The following POLQ variants were observed in gnomAD, a reference collection of about 807,000 sequenced individuals.
POLQ encodes the protein DNA polymerase theta.
A neutral mutation model predicts 259.2 loss-of-function variants in POLQ; 233 were observed. The ratio of observed to expected loss-of-function variants is 0.90; its 90% CI spans 0.81 to 1.00. The LOEUF (loss-of-function observed/expected upper bound fraction) is 1.00. POLQ is among the 50% of genes least tolerant of loss of function. The probability of loss-of-function intolerance (pLI) is 0.00; values close to 1 mark genes in which losing one functional copy is unlikely to be tolerated. For missense variants in POLQ, 2,871 were observed against 3,051.6 expected (o/e 0.94, Z 1.39); for synonymous variants, 1,025 against 1,048.8 (o/e 0.98, Z 0.44).
intron 28 of POLQ, among the ~76,000 whole-genome samples, chr3:121,435,247 A>G (rs2047533232): frequency 6.6e-6 from 1 of 152,248 alleles, no homozygotes; most frequent in South Asian, 2.1e-4. Flanking sequence ...GGAATGTGAC[A>G]GAAGAAAAAA....
intron 26 of POLQ, among the ~76,000 whole-genome samples, chr3:121,440,585 C>T: frequency 6.6e-6 from 1 of 152,182 alleles, no homozygotes; most frequent in Non-Finnish European, 1.5e-5. Context: ...ATCTGCCCAC[C>T]TCCGCCTCCC....
chr3:121,473,265 T>C, intron 21 of POLQ, 85 bp downstream of exon 21: 1 of 1,189,168 alleles, frequency 8.4e-7, no homozygotes, highest in Non-Finnish European at 1.2e-6. Context: ...GCTAAGATGT[T>C]GATTTCATCA....
Position 121,541,451 on chromosome 3 carries a change from C to T in POLQ, c.372G>A (p.Val124=), listed in dbSNP as rs755139937. 2.5e-6 allele frequency: 4 copies of T among 1,610,306 alleles called. No individual in the cohort carries two copies. The highest frequency in any genetic ancestry group is 3.4e-6 in the Non-Finnish European group (4 of 1,178,274). ...CCCGCTTCAAAATAAGTAATTCTGC[C>T]ACAAGAGTCTTCCCAGCACTTGTAG... ...SAPTSAGKTL[V]AELLILKRVL... Residue 124 remains valine (V), a synonymous_variant, in exon 3 of 30, where the codon GTG becomes GTA. Transcript: ENST00000264233.
intron 24 of POLQ, among the ~76,000 whole-genome samples, chr3:121,460,997 G>C (rs994516658): frequency 6.6e-6 from 1 of 152,108 alleles, no homozygotes; most frequent in Non-Finnish European, 1.5e-5. Flanking sequence ...CTATAAATAA[G>C]AAGTTCAGAC....
intron 25 of POLQ, among the ~76,000 whole-genome samples, chr3:121,450,833 G>C (rs572775753): frequency 5.9e-5 from 9 of 152,180 alleles, no homozygotes; most frequent in African/African-American, 1.9e-4. Flanking sequence ...TGAATGTTGG[G>C]CTGCCTTGCT....
Position 121,533,005 on chromosome 3 carries a change from G to A in POLQ, c.945C>T (p.Pro315=), listed in dbSNP as rs1429292191. ...SSMKLVREFE[P]MLQVKGDEDH... The stretch of plus-strand genomic sequence containing the variant: ...ATTGATTTACCTTCACTTGTAGCAT[G>A]GGCTCAAATTCCCTCACAAGTTTCA... The change falls in exon 6 of 30, where the codon CCC becomes CCT. Residue 315 remains proline (P), a synonymous_variant. Coordinates refer to ENST00000264233, the MANE Select transcript of POLQ (RefSeq NM_199420.4). 4 of 1,604,524 alleles carry A rather than the reference G, an allele frequency of 2.5e-6. No homozygotes were observed. Among genetic ancestry groups the A allele is most frequent in the Non-Finnish European group, 3.4e-6 (4 of 1,172,740 alleles).
Position 121,468,199 on chromosome 3 carries a change from T to G in POLQ, c.6845+106A>C, listed in dbSNP as rs920346059. The G allele has an allele frequency of 8.1e-6, 8 of 992,564 alleles. No individual in the cohort carries two copies. The East Asian group carries it at 2.0e-4, about 25-fold the overall frequency. The allele number at this position is 992,564 out of a possible 1,614,324, so 61.5% of individuals were successfully genotyped here. A position where few individuals can be genotyped will look rare whatever the true frequency, so the allele number is the denominator to read the frequency against. ...GGTCTAGGACAGAAATGGGTATGTC[T>G]GAAACATAAAATTAAATTAATTTCA... is the stretch of plus-strand genomic sequence containing the variant. On this transcript the variant is annotated intron_variant, in intron 23 of 29. Transcript: ENST00000264233.
At chr3:121,496,974 G>T (rs200714201) in intron 13 of POLQ, 42 bp from the exon 14 acceptor site, 156 of 1,605,732 alleles carry the variant, frequency 9.7e-5, no homozygotes, top group Non-Finnish European at 1.3e-4. Context: ...GATCCTTCAC[G>T]TCTACTAGGC....
intron 9 of POLQ, among the ~76,000 whole-genome samples, chr3:121,514,904 G>A (rs1393614064): frequency 6.6e-6 from 1 of 152,174 alleles, no homozygotes; most frequent in East Asian, 1.9e-4. Flanking sequence ...AGCTCATGAG[G>A]ACCCTGCCCA....
Position 121,449,380 on chromosome 3 carries a change from T to C in POLQ, c.7199A>G (p.Glu2400Gly), listed in dbSNP as rs1232696903. ...ATCATTTTCTTTAATGCCCATCTGC[T>C]CTCCCAAAGATTTAGCTCCCATTCC... ...IYGMGAKSLG[E>G]QMGIKENDAA... Residue 2400 changes from glutamate (E) to glycine (G), a missense_variant, in exon 26 of 30, where the codon GAG (glutamate) becomes GGG (glycine). Coordinates refer to ENST00000264233, the MANE Select transcript of POLQ (RefSeq NM_199420.4). 1 of 1,608,210 alleles carries C rather than the reference T, an allele frequency of 6.2e-7. No homozygotes were observed. Among genetic ancestry groups the C allele is most frequent in the South Asian group, 1.1e-5 (1 of 90,964 alleles).
intron 15 of POLQ, among the ~76,000 whole-genome samples, chr3:121,490,948 G>T (rs2048063667): frequency 6.6e-6 from 1 of 152,084 alleles, no homozygotes; most frequent in Non-Finnish European, 1.5e-5. Flanking sequence ...ACAGCTGCTT[G>T]GGAGGCTGAG....
At chr3:121,516,116 T>C (rs1426303014) in intron 9 of POLQ, among the ~76,000 whole-genome samples, 1 of 151,850 alleles carries the variant, frequency 6.6e-6, no homozygotes, top group Non-Finnish European at 1.5e-5. Context: ...GAGAAGATGG[T>C]CAAAGAGTAC....
rs1012808781 is a variant in POLQ, at chr3:121,527,069, A to AT, written c.1108+2575dup. ...TAGGCACACATCACCACACCTGGAT[A>AT]TTTTTTTTTGAGATGGAGTCTCGCT... On this transcript the variant is annotated intron_variant, in intron 7 of 29. Coordinates refer to ENST00000264233, the MANE Select transcript of POLQ (RefSeq NM_199420.4). 5.3e-5 allele frequency among the ~76,000 whole-genome samples: 8 copies of AT among 149,950 alleles called. No individual in the cohort carries two copies. In the South Asian group the frequency reaches 1.1e-3, roughly 20 times the overall value.
At chr3:121,522,502 G>A (rs1211366281) in intron 7 of POLQ, among the ~76,000 whole-genome samples, 1 of 149,918 alleles carries the variant, frequency 6.7e-6, no homozygotes, top group East Asian at 2.0e-4. Context: ...TAGTAGAGAC[G>A]GGGTTTCACC....
intron 24 of POLQ, among the ~76,000 whole-genome samples, chr3:121,463,465 A>G (rs145501649): frequency 4.7e-4 from 72 of 152,328 alleles, no homozygotes; most frequent in African/African-American, 1.6e-3. Flanking sequence ...CCAAACAATT[A>G]CCTATAGATT....
rs199734736 is a variant in POLQ at position 121,541,334 on chromosome 3, A to C, written c.474+15T>G. 47 of 1,567,230 alleles carry C rather than the reference A, an allele frequency of 3.0e-5. No homozygotes were observed. Among genetic ancestry groups the C allele is most frequent in the African/African-American group, 8.3e-5 (6 of 72,714 alleles). On this transcript the variant is annotated intron_variant, in intron 3 of 29. Coordinates refer to ENST00000264233, the MANE Select transcript of POLQ (RefSeq NM_199420.4). The stretch of plus-strand genomic sequence containing the variant: ...ATGAGCCTTTCACTATTTCAAACTT[A>C]GTAAAAAACATTACCTGGAGGTAGT...
At chr3:121,444,768 G>A (rs770577866) in intron 26 of POLQ, among the ~76,000 whole-genome samples, 11 of 151,986 alleles carry the variant, frequency 7.2e-5, no homozygotes, top group Non-Finnish European at 1.6e-4. Flanking sequence ...ATTATGTAGA[G>A]GTATGTTTCT....
At chr3:121,510,342 C>T (rs1354642613) in intron 10 of POLQ, 99 bp from the exon 11 acceptor site, 2 of 751,656 alleles carry the variant, frequency 2.7e-6, no homozygotes, top group Admixed American at 4.6e-5. Context: ...CTTTGGGAGT[C>T]CGAGGCGGGC....
intron 27 of POLQ, among the ~76,000 whole-genome samples, chr3:121,437,154 A>G (rs1041610674): frequency 6.6e-6 from 1 of 152,162 alleles, no homozygotes; most frequent in Non-Finnish European, 1.5e-5. Flanking sequence ...TGATCAGTTA[A>G]GACCAGGAGT....
Sources: gnomAD v4.1 joint callset for allele counts (sites outside exome capture counted in the v4.1 genomes callset) on GRCh38, gnomAD v4.1.1 for gene constraint, MANE v1.5 for transcripts, NCBI Gene and HGNC (gene_info 2026-07-23, HGNC 2026-07-21) for gene names.